Variants in LRRK1 observed in about 807,000 individuals in gnomAD.
LRRK1 encodes leucine-rich repeat serine/threonine-protein kinase 1.
A neutral mutation model predicts 209.1 loss-of-function variants in LRRK1; 113 were observed. The ratio of observed to expected loss-of-function variants is 0.54; its 90% CI spans 0.46 to 0.63. The LOEUF (loss-of-function observed/expected upper bound fraction) is 0.63. Ranked by LOEUF, LRRK1 falls within the 30% of genes least tolerant of loss-of-function variation. The pLI is 0.00. For synonymous variants in LRRK1, 1,144 were observed against 1,099.7 expected, an observed-to-expected ratio of 1.04 and a Z score of -0.80; for missense variants, 2,284 against 2,632.2, an observed-to-expected ratio of 0.87 and a Z score of 2.89.
At chr15:100,958,325 C>T (rs776017573) in intron 2 of LRRK1, among the ~76,000 whole-genome samples, 2 of 152,194 alleles carry the variant, frequency 1.3e-5, no homozygotes, top group Non-Finnish European at 1.5e-5. Flanking sequence ...TATTGAGCTT[C>T]AGCTGTATGC....
At chr15:100,975,074 T>G (rs1254609374) in intron 3 of LRRK1, among the ~76,000 whole-genome samples, 1 of 152,164 alleles carries the variant, frequency 6.6e-6, no homozygotes, top group Non-Finnish European at 1.5e-5. Flanking sequence ...AGGAAGGCAT[T>G]TAAGATCCCT....
Position 100,925,848 on chromosome 15 carries a change from T to C in LRRK1, c.97+1119T>C, listed in dbSNP as rs149290015. The stretch of plus-strand genomic sequence containing the variant: ...GGTCAACAACTCAGAAATCACAGAA[T>C]TGCCATCTGAACCCTGTCTTAATGC... On this transcript the variant is annotated intron_variant, in intron 2 of 33. Coordinates refer to ENST00000388948, the MANE Select transcript of LRRK1 (RefSeq NM_024652.6). Among the ~76,000 whole-genome samples, 85 of 152,322 alleles carry C rather than the reference T, an allele frequency of 5.6e-4. 3 individuals are homozygous for C. The East Asian group carries it at 0.013, about 23-fold the overall frequency.
At chr15:100,937,996 G>A (rs186098998) in intron 2 of LRRK1, among the ~76,000 whole-genome samples, 6 of 150,728 alleles carry the variant, frequency 4.0e-5, no homozygotes, top group East Asian at 1.9e-4. Context: ...GACTACAGGC[G>A]CACACCACCA....
At chr15:101,060,461 T>TATCA (rs2036099888) in intron 29 of LRRK1, among the ~76,000 whole-genome samples, 2 of 152,236 alleles carry the variant, frequency 1.3e-5, no homozygotes, top group South Asian at 4.1e-4. Context: ...CTACCATTTC[T>TATCA]ATCATCTGCA....
At chr15:101,010,312 A>T in intron 7 of LRRK1, 138 bp from the exon 8 acceptor site, 2 of 876,698 alleles carry the variant, frequency 2.3e-6, no homozygotes, top group Non-Finnish European at 3.5e-6. Flanking sequence ...CATATGCACT[A>T]CATTTTCAAT....
chr15:100,951,940 C>T (rs975472010), intron 2 of LRRK1, among the ~76,000 whole-genome samples: 1 of 141,242 alleles, frequency 7.1e-6, no homozygotes, highest in Non-Finnish European at 1.5e-5. Context: ...GCAACAAGAG[C>T]GAAACTCCAT....
chr15:100,990,073 C>A (rs953485100), intron 6 of LRRK1, among the ~76,000 whole-genome samples: 3 of 152,198 alleles, frequency 2.0e-5, no homozygotes, highest in Non-Finnish European at 2.9e-5. Context: ...GATCTTTTCA[C>A]ATCCTTCCAC....
rs1330052325 is a variant in LRRK1, at chr15:101,071,267, CACTT to C, written c.*2422_*2425del. The C allele has an allele frequency of 3.3e-5, 5 of 152,288 alleles. No homozygotes were observed. The highest frequency in any genetic ancestry group is 3.3e-4 in the Admixed American group (5 of 15,286). 9.4% of individuals were successfully genotyped at this position (152,288 alleles called of 1,614,324 possible). ...GACCACAGGCATCTCAGATAGATGT[CACTT>C]ACCACCCTCATGTTGGCAGAGGGTG... is the stretch of plus-strand genomic sequence containing the variant. On this transcript the variant is annotated 3_prime_UTR_variant, in exon 34 of 34. Coordinates refer to ENST00000388948, the MANE Select transcript of LRRK1 (RefSeq NM_024652.6).
intron 6 of LRRK1, chr15:100,989,662 C>T: frequency 1.7e-6 from 1 of 576,866 alleles, no homozygotes; most frequent in Non-Finnish European, 3.1e-6. Flanking sequence ...CCCACTTCCA[C>T]AATAACAACA....
rs2035278875 is a variant in LRRK1, at chr15:101,049,531, C to G, written c.3300-113C>G. The stretch of plus-strand genomic sequence containing the variant: ...AGTCCCCCATCGGTCCTGCAGGGCA[C>G]AGAGTCTCTCCAGGTCCCCGGGGGT... On this transcript the variant is annotated intron_variant, in intron 22 of 33. Transcript: ENST00000388948. 15 of 1,252,968 alleles carry G rather than the reference C, an allele frequency of 1.2e-5. No homozygotes were observed. The South Asian group carries it at 2.0e-4, about 17-fold the overall frequency. 77.6% of individuals were successfully genotyped at this position (1,252,968 alleles called of 1,614,324 possible).
chr15:100,979,886 G>A (rs4965757), intron 3 of LRRK1, among the ~76,000 whole-genome samples: 144,126 of 152,334 alleles, frequency 0.95, 68,200 homozygotes, highest in East Asian at 1. Flanking sequence ...AGATGTCATT[G>A]CACAGCTTTA....
rs906628809 is a variant in LRRK1, at chr15:100,919,847, C to T, written c.-123+396C>T. On this transcript the variant is annotated intron_variant, in intron 1 of 33. Coordinates refer to ENST00000388948, the MANE Select transcript of LRRK1 (RefSeq NM_024652.6). This position sits in a 1 kb window ranked among gnomAD's most constrained non-coding sequence, Gnocchi z 5.8. ...CGGGGAGCCCATAGGTTTCCTCTGC[C>T]TTTGGAGCGAACCCAGTCCCTTAGC... Among the ~76,000 whole-genome samples the T allele has an allele frequency of 1.3e-5, 2 of 152,028 alleles. No individual in the cohort carries two copies. The highest frequency in any genetic ancestry group is 1.3e-4 in the Admixed American group (2 of 15,280).
At chr15:100,926,680 CTTTTTTT>C (rs71151990) in intron 2 of LRRK1, among the ~76,000 whole-genome samples, 1 of 81,846 alleles carries the variant, frequency 1.2e-5, no homozygotes, top group Non-Finnish European at 2.2e-5. Flanking sequence ...TTCTTTTTTT[CTTTTTTT>C]TTTTTTTTTT....
At chr15:100,928,395 C>T (rs1326794521) in intron 2 of LRRK1, among the ~76,000 whole-genome samples, 1 of 152,218 alleles carries the variant, frequency 6.6e-6, no homozygotes, top group Non-Finnish European at 1.5e-5. Flanking sequence ...TCCTAGACTT[C>T]CTGGGATGAT....
chr15:101,001,088 C>A (rs1402832527), intron 6 of LRRK1, among the ~76,000 whole-genome samples: 1 of 152,152 alleles, frequency 6.6e-6, no homozygotes, highest in African/African-American at 2.4e-5. Context: ...AATGAATATT[C>A]CTCCTGGGAG....
At chr15:101,060,196 A>G (rs2036077431) in intron 29 of LRRK1, among the ~76,000 whole-genome samples, 1 of 152,174 alleles carries the variant, frequency 6.6e-6, no homozygotes, top group Non-Finnish European at 1.5e-5. Flanking sequence ...TTGACTTGAG[A>G]TCTGTCTGAG....
chr15:101,000,346 G>A (rs2032624155), intron 6 of LRRK1, among the ~76,000 whole-genome samples: 1 of 152,130 alleles, frequency 6.6e-6, no homozygotes, highest in Non-Finnish European at 1.5e-5. Context: ...CTTTCCTTTT[G>A]TTATCTGTGT....
intron 5 of LRRK1, 51 bp from the exon 6 acceptor site, chr15:100,989,199 C>A (rs1405832201): frequency 2.7e-6 from 4 of 1,497,798 alleles, no homozygotes; most frequent in East Asian, 2.3e-5. Context: ...CTTCCAACGA[C>A]TGTGACACTA....
intron 20 of LRRK1, among the ~76,000 whole-genome samples, chr15:101,039,760 T>A (rs2034659237): frequency 6.6e-6 from 1 of 152,244 alleles, no homozygotes; most frequent in Non-Finnish European, 1.5e-5. Context: ...AGTTCCCTTT[T>A]ATTCCCAGTT....
Sources: allele counts gnomAD v4.1 joint callset (sites outside exome capture counted in the v4.1 genomes callset), GRCh38; gene constraint gnomAD v4.1.1; non-coding constraint Gnocchi (gnomAD v3.1); transcripts MANE v1.5; gene names NCBI Gene and HGNC (gene_info 2026-07-23, HGNC 2026-07-21).